The following TTLL6 variants were observed in gnomAD, a reference collection of about 807,000 sequenced individuals.
The protein encoded by TTLL6 is tubulin polyglutamylase TTLL6.
Under a neutral mutation model 96.4 loss-of-function variants are expected in TTLL6, and 75 were observed. The observed-to-expected ratio is 0.78, with a 90% confidence interval of 0.65 to 0.94. The LOEUF is 0.94. Among genes scored for constraint, TTLL6 ranks in the 40% least tolerant of loss-of-function variants. TTLL6 has a pLI of 0.00. For missense variants in TTLL6, 1,030 were observed against 1,093.0 expected (o/e 0.94, Z 0.81); for synonymous variants, 411 against 419.4 (o/e 0.98, Z 0.24).
chr17:48,799,101 C>T (rs1359591105), intron 6 of TTLL6, among the ~76,000 whole-genome samples: 3 of 152,168 alleles, frequency 2.0e-5, no homozygotes, highest in East Asian at 1.9e-4. Flanking sequence ...GGATTATAGG[C>T]GTGAGCCACT....
At chr17:48,769,628 C>G in intron 14 of TTLL6, 100 bp downstream of exon 14, 1 of 1,438,232 alleles carries the variant, frequency 7.0e-7, no homozygotes, top group South Asian at 1.4e-5. Flanking sequence ...GGGGCTGTCC[C>G]CCCTCCAAAG....
intron 13 of TTLL6, among the ~76,000 whole-genome samples, chr17:48,780,550 C>T (rs2038966184): frequency 6.6e-6 from 1 of 152,176 alleles, no homozygotes; most frequent in Non-Finnish European, 1.5e-5. Flanking sequence ...TTAAAGTGTT[C>T]TATATGTAGT....
intron 1 of TTLL6, among the ~76,000 whole-genome samples, chr17:48,810,825 G>GTATTA (rs1555569644): frequency 1.2e-5 from 1 of 84,354 alleles, no homozygotes; most frequent in Non-Finnish European, 2.5e-5. Context: ...GTATGTGTGT[G>GTATTA]TATATATATA....
chr17:48,776,621 T>G (rs2038876986), intron 13 of TTLL6, among the ~76,000 whole-genome samples: 1 of 152,210 alleles, frequency 6.6e-6, no homozygotes, highest in African/African-American at 2.4e-5. Flanking sequence ...GTGCAAAATG[T>G]CTACATTGAA....
At chr17:48,797,298 C>T in intron 6 of TTLL6, 94 bp from the exon 7 acceptor site, 1 of 1,350,458 alleles carries the variant, frequency 7.4e-7, no homozygotes, top group Non-Finnish European at 1.0e-6. Flanking sequence ...GAGTTGGCTC[C>T]AACATTGCCT....
chr17:48,770,124 G>C, intron 13 of TTLL6, 27 bp from the exon 14 acceptor site: 1 of 1,561,430 alleles, frequency 6.4e-7, no homozygotes, highest in Non-Finnish European at 8.7e-7. Flanking sequence ...TTCAAAATGA[G>C]ACTGTGGAAA....
intron 13 of TTLL6, among the ~76,000 whole-genome samples, chr17:48,770,666 G>A (rs946195616): frequency 2.4e-4 from 36 of 151,600 alleles, no homozygotes; most frequent in East Asian, 3.9e-4. Context: ...ACAGGCATGC[G>A]CCACCACATC....
At chr17:48,803,817 A>G in intron 3 of TTLL6, 74 bp downstream of exon 3, 1 of 1,460,606 alleles carries the variant, frequency 6.8e-7, no homozygotes, top group Admixed American at 2.0e-5. Context: ...CAAATATACA[A>G]GAGTGACTCT....
At chr17:48,796,011 A>G in intron 8 of TTLL6, 50 bp downstream of exon 8, 2 of 1,432,696 alleles carry the variant, frequency 1.4e-6, no homozygotes, top group Non-Finnish European at 1.9e-6. Context: ...CCCAGAAAGC[A>G]GTTCTGAGGT....
At chr17:48,774,096 CA>C (rs1286139436) in intron 13 of TTLL6, among the ~76,000 whole-genome samples, 2,015 of 43,926 alleles carry the variant, frequency 0.046, 119 homozygotes, top group African/African-American at 0.14. Flanking sequence ...AAAAACAAAA[CA>C]AAAAAAAAAA....
chr17:48,803,943 A>G lies in TTLL6; in HGVS notation c.324-15T>C, dbSNP rs1030338801. The G allele has an allele frequency of 1.3e-6, 2 of 1,551,344 alleles. No individual in the cohort carries two copies. The highest frequency in any genetic ancestry group is 2.7e-5 in the African/African-American group (2 of 73,026). On this transcript the variant is annotated splice_polypyrimidine_tract_variant and intron_variant, in intron 2 of 15. Coordinates refer to ENST00000393382, the MANE Select transcript of TTLL6 (RefSeq NM_001130918.3). ...TGATCACCAATCATCTGGAAAAGAGAAAAAGGAAAGCAGCAAGACAGAGAC... is the reference window on the plus strand; with the variant it reads ...TGATCACCAATCATCTGGAAAAGAGGAAAAGGAAAGCAGCAAGACAGAGAC...
chr17:48,793,630 A>G (rs542263819), intron 8 of TTLL6, among the ~76,000 whole-genome samples: 2 of 151,326 alleles, frequency 1.3e-5, no homozygotes, highest in East Asian at 3.9e-4. Context: ...TGCCCTGTCC[A>G]TGAAGTGGAT....
intron 13 of TTLL6, among the ~76,000 whole-genome samples, chr17:48,778,031 C>G (rs1252509617): frequency 6.6e-6 from 1 of 152,202 alleles, no homozygotes; most frequent in Non-Finnish European, 1.5e-5. Context: ...AATCCCAACA[C>G]TTTGTTAGGC....
intron 1 of TTLL6, among the ~76,000 whole-genome samples, chr17:48,816,097 T>G (rs1361281009): frequency 1.3e-5 from 2 of 152,208 alleles, no homozygotes; most frequent in Non-Finnish European, 2.9e-5. Context: ...TGAGTTAATA[T>G]TTCTAATACC....
chr17:48,785,468 A>T lies in TTLL6; in HGVS notation c.1762-267T>A, dbSNP rs189615525. On this transcript the variant is annotated intron_variant, in intron 12 of 15. Coordinates refer to ENST00000393382, the MANE Select transcript of TTLL6 (RefSeq NM_001130918.3). ...TCTGGCAAGAGATTCCATAGCTTTT[A>T]TCAGATTCTTAAAGGGTCTGTGACC... is the stretch of plus-strand genomic sequence containing the variant. 8.5e-5 allele frequency among the ~76,000 whole-genome samples: 13 copies of T among 152,282 alleles called. No homozygotes were observed. The East Asian group carries it at 2.5e-3, about 29-fold the overall frequency.
intron 13 of TTLL6, 45 bp downstream of exon 13, chr17:48,784,878 G>T: frequency 1.3e-6 from 2 of 1,549,702 alleles, no homozygotes; most frequent in Non-Finnish European, 1.8e-6. Context: ...GGACCAGTAA[G>T]CAAGACTCCC....
Position 48,805,004 on chromosome 17 carries a change from C to T in TTLL6, c.104-13G>A. ...AAATACCAGGCCCCTAGAGAGAGGG[C>T]AGAGGGAGCCGCAGTTACAGAGATC... On this transcript the variant is annotated splice_polypyrimidine_tract_variant and intron_variant, in intron 1 of 15. Coordinates refer to ENST00000393382, the MANE Select transcript of TTLL6 (RefSeq NM_001130918.3). 4.5e-6 allele frequency: 7 copies of T among 1,545,146 alleles called. No individual in the cohort carries two copies. The highest frequency in any genetic ancestry group is 6.1e-6 in the Non-Finnish European group (7 of 1,141,582).
At chr17:48,772,340 TAAATAA>T (rs1335963645) in intron 13 of TTLL6, among the ~76,000 whole-genome samples, 1 of 151,720 alleles carries the variant, frequency 6.6e-6, no homozygotes, top group East Asian at 1.9e-4. Flanking sequence ...AAATAATAGA[TAAATAA>T]AAATAAAGAA....
intron 13 of TTLL6, among the ~76,000 whole-genome samples, chr17:48,772,001 G>A (rs917729013): frequency 6.6e-6 from 1 of 152,084 alleles, no homozygotes; most frequent in Non-Finnish European, 1.5e-5. Context: ...CTTGAACTCG[G>A]GTGGCAGAGG....
Sources: gnomAD v4.1 joint callset for allele counts (sites outside exome capture counted in the v4.1 genomes callset) on GRCh38, gnomAD v4.1.1 for gene constraint, MANE v1.5 for transcripts, NCBI Gene and HGNC (gene_info 2026-07-23, HGNC 2026-07-21) for gene names.